The following PRKAR1B variants were observed in gnomAD, a reference collection of about 807,000 sequenced individuals.
PRKAR1B encodes the protein cAMP-dependent protein kinase type I-beta regulatory subunit.
Under a neutral mutation model 46.5 loss-of-function variants are expected in PRKAR1B, and 22 were observed. The observed-to-expected ratio is 0.47, with a 90% CI of 0.34 to 0.68. The LOEUF (loss-of-function observed/expected upper bound fraction) is 0.68. PRKAR1B is among the 30% of genes least tolerant of loss of function. The probability of loss-of-function intolerance (pLI) is 0.01; values close to 1 mark genes in which losing one functional copy is unlikely to be tolerated. For synonymous variants in PRKAR1B, 259 were observed against 217.7 expected (o/e 1.19, Z -1.67); for missense variants, 445 against 535.6 (o/e 0.83, Z 1.67).
Position 550,285 on chromosome 7 carries a change from G to T in PRKAR1B, c.*145C>A. The T allele has an allele frequency of 3.1e-6, 2 of 648,462 alleles. No homozygotes were observed. Among genetic ancestry groups the T allele is most frequent in the Non-Finnish European group, 5.4e-6 (2 of 370,038 alleles). The allele number at this position is 648,462 out of a possible 1,614,324, so 40.2% of individuals were successfully genotyped here. A position where few individuals can be genotyped will look rare whatever the true frequency, so the allele number is the denominator to read the frequency against. ...GGTGATCATTTATTCCAAAAAGTGAGTCCGGGGAAGGGGCAGTCCTCACGC... is the reference window on the plus strand; with the variant it reads ...GGTGATCATTTATTCCAAAAAGTGATTCCGGGGAAGGGGCAGTCCTCACGC... On this transcript the variant is annotated 3_prime_UTR_variant, in exon 11 of 11. Transcript: ENST00000537384.
intron 4 of PRKAR1B, among the ~76,000 whole-genome samples, chr7:674,994 C>T (rs1470196559): frequency 6.6e-6 from 1 of 152,190 alleles, no homozygotes; most frequent in Admixed American, 6.5e-5. Context: ...GTATCAAAAG[C>T]CTGTTAAAAA....
In PRKAR1B at chr7:727,213, G is replaced by A; in HGVS notation, c.-26C>T. 7.4e-7 allele frequency: 1 copy of A among 1,351,246 alleles called. No individual in the cohort carries two copies. Among genetic ancestry groups the A allele is most frequent in the Middle Eastern group, 2.8e-4 (1 of 3,620 alleles). The allele number at this position is 1,351,246 out of a possible 1,614,324, so 83.7% of individuals were successfully genotyped here. A position where few individuals can be genotyped will look rare whatever the true frequency, so the allele number is the denominator to read the frequency against. On this transcript the variant is annotated 5_prime_UTR_variant, in exon 1 of 11. Coordinates refer to ENST00000537384, the MANE Select transcript of PRKAR1B (RefSeq NM_001164760.2). ...CGGCGCCGCGCTCGCGCCCCACCTG[G>A]ACGACGCTCTGCGCGCGCTGCGCTG...
rs535669980 is a variant in PRKAR1B at position 691,616 on chromosome 7, C to T, written c.178-10890G>A. 14 of 1,303,684 alleles carry T rather than the reference C, an allele frequency of 1.1e-5. No individual in the cohort carries two copies. In the African/African-American group the frequency reaches 1.4e-4, roughly 13 times the overall value. 80.8% of individuals were successfully genotyped at this position (1,303,684 alleles called of 1,614,324 possible). On this transcript the variant is annotated intron_variant, in intron 2 of 10. Coordinates refer to ENST00000537384, the MANE Select transcript of PRKAR1B (RefSeq NM_001164760.2). Reference sequence around the variant, plus strand: ...AGCCCAAAGTGAGGTGGACGCCCTGCCGTGTGCTGAATGGCATGTGGCCTC... The same window carrying T: ...AGCCCAAAGTGAGGTGGACGCCCTGTCGTGTGCTGAATGGCATGTGGCCTC...
Position 658,240 on chromosome 7 carries a change from C to G in PRKAR1B, c.440+18989G>C, listed in dbSNP as rs184526775. Among the ~76,000 whole-genome samples, 68 of 152,112 alleles carry G rather than the reference C, an allele frequency of 4.5e-4. 1 individual carries two copies. Among genetic ancestry groups the G allele is most frequent in the African/African-American group, 1.6e-3 (68 of 41,490 alleles). On this transcript the variant is annotated intron_variant, in intron 4 of 10. Transcript: ENST00000537384. ...CTTGAGGACAGGAGTTCAAGACCAG[C>G]CTGGGCAACACAGCGAGACCCCCAT...
At position 644,389 on chromosome 7, in the gene PRKAR1B, G is replaced by C. The variant is rs1784530504; in HGVS notation, c.440+32840C>G. The stretch of plus-strand genomic sequence containing the variant: ...ACTGAGGCGCGCACATTCGGAACGG[G>C]GTTTTGCTCCTCCTTGGGTGTGCAG... On this transcript the variant is annotated intron_variant, in intron 4 of 10. Transcript: ENST00000537384. The surrounding 1 kb of genome is among the most constrained non-coding windows in gnomAD (Gnocchi z 4.9). Among the ~76,000 whole-genome samples the C allele has an allele frequency of 6.6e-6, 1 of 152,182 alleles. No individual in the cohort carries two copies. Among genetic ancestry groups the C allele is most frequent in the South Asian group, 2.1e-4 (1 of 4,834 alleles).
intron 9 of PRKAR1B, among the ~76,000 whole-genome samples, chr7:570,877 G>A (rs942230040): frequency 1.3e-5 from 2 of 151,224 alleles, no homozygotes; most frequent in African/African-American, 4.9e-5. Context: ...TGCAGCCCAA[G>A]CGACACCACT....
intron 4 of PRKAR1B, among the ~76,000 whole-genome samples, chr7:623,043 C>G (rs1446197461): frequency 6.6e-6 from 1 of 152,206 alleles, no homozygotes; most frequent in African/African-American, 2.4e-5. Flanking sequence ...ACGGTCCTAT[C>G]TCTTCTGTCC....
intron 2 of PRKAR1B, among the ~76,000 whole-genome samples, chr7:706,837 G>A (rs994884706): frequency 6.6e-6 from 1 of 152,164 alleles, no homozygotes; most frequent in African/African-American, 2.4e-5. Context: ...GGCCATCCCT[G>A]CTGGCCTGTG....
chr7:635,966 A>G lies in PRKAR1B; in HGVS notation c.441-28514T>C, dbSNP rs556475929. On this transcript the variant is annotated intron_variant, in intron 4 of 10. Transcript: ENST00000537384. ...CACATCCTCCACCGGCCGCGCCCTC[A>G]CGTCCTCCACCGGCCGCGCCCTCAC... 3.1e-4 allele frequency among the ~76,000 whole-genome samples: 39 copies of G among 125,592 alleles called. 1 individual carries two copies. The highest frequency in any genetic ancestry group is 8.7e-4 in the African/African-American group (30 of 34,514). The allele number at this position is 125,592 out of a possible 152,430, so 82.4% of individuals were successfully genotyped here.
rs1167742655 is a variant in PRKAR1B at position 727,215 on chromosome 7, C to T, written c.-28G>A. 12 of 1,350,708 alleles carry T rather than the reference C, an allele frequency of 8.9e-6. No homozygotes were observed. In the Admixed American group the frequency reaches 9.6e-5, roughly 11 times the overall value. The allele number at this position is 1,350,708 out of a possible 1,614,324, so 83.7% of individuals were successfully genotyped here. On this transcript the variant is annotated 5_prime_UTR_variant, in exon 1 of 11. Transcript: ENST00000537384. ...GCGCCGCGCTCGCGCCCCACCTGGA[C>T]GACGCTCTGCGCGCGCTGCGCTGCT...
intron 9 of PRKAR1B, among the ~76,000 whole-genome samples, chr7:567,388 CCAT>C (rs1427536941): frequency 2.3e-4 from 33 of 141,740 alleles, no homozygotes; most frequent in African/African-American, 4.8e-4. Flanking sequence ...ACCATCACCT[CCAT>C]CATCATCACC....
At position 684,473 on chromosome 7, in the gene PRKAR1B, C is replaced by T. The variant is rs146414997; in HGVS notation, c.178-3747G>A. Among the ~76,000 whole-genome samples, 1,003 of 152,314 alleles carry T rather than the reference C, an allele frequency of 6.6e-3. 11 individuals are homozygous for T. Among genetic ancestry groups the T allele is most frequent in the African/African-American group, 0.023 (959 of 41,556 alleles). On this transcript the variant is annotated intron_variant, in intron 2 of 10. Coordinates refer to ENST00000537384, the MANE Select transcript of PRKAR1B (RefSeq NM_001164760.2). Reference sequence around the variant, plus strand: ...ATGACCAGAATGGCAGGAACGCTATCTGAGATTTCTGGAAAACAGACAATG... The same window carrying T: ...ATGACCAGAATGGCAGGAACGCTATTTGAGATTTCTGGAAAACAGACAATG...
At chr7:578,469 T>C (rs1198804903) in intron 9 of PRKAR1B, among the ~76,000 whole-genome samples, 1 of 152,206 alleles carries the variant, frequency 6.6e-6, no homozygotes, top group Non-Finnish European at 1.5e-5. Flanking sequence ...TTTGCCATCA[T>C]CGTACATTTG....
At chr7:669,883 T>TTTTTTTTTTTTTTTTA in intron 4 of PRKAR1B, among the ~76,000 whole-genome samples, 1 of 144,798 alleles carries the variant, frequency 6.9e-6, no homozygotes, top group Middle Eastern at 3.7e-3. Flanking sequence ...TTTTTTTTTT[T>TTTTTTTTTTTTTTTTA]GAGACGGAGT....
At chr7:606,791 T>TGC (rs1325341249) in intron 5 of PRKAR1B, among the ~76,000 whole-genome samples, 1 of 151,858 alleles carries the variant, frequency 6.6e-6, no homozygotes, top group Non-Finnish European at 1.5e-5. Context: ...TGTGTGTGTG[T>TGC]GTGTATAATT....
At chr7:579,437 A>C in intron 8 of PRKAR1B, 60 bp from the exon 9 acceptor site, 3 of 1,600,312 alleles carry the variant, frequency 1.9e-6, no homozygotes, top group Non-Finnish European at 2.5e-6. Flanking sequence ...GCCACAGTCC[A>C]AGACAAGGGC....
At chr7:692,457 AGAG>A (rs1293101081) in intron 2 of PRKAR1B, among the ~76,000 whole-genome samples, 1 of 152,048 alleles carries the variant, frequency 6.6e-6, no homozygotes, top group African/African-American at 2.4e-5. Flanking sequence ...GGAGAAGAGA[AGAG>A]GAGAAGAGAA....
chr7:635,406 C>G (rs1384172873), intron 4 of PRKAR1B, among the ~76,000 whole-genome samples: 1 of 152,230 alleles, frequency 6.6e-6, no homozygotes, highest in Admixed American at 6.5e-5. Context: ...AGCAGCAGGC[C>G]TGGGCCACAG....
chr7:652,612 C>T (rs1381568705), intron 4 of PRKAR1B, among the ~76,000 whole-genome samples: 1 of 152,248 alleles, frequency 6.6e-6, no homozygotes, highest in Non-Finnish European at 1.5e-5. Flanking sequence ...ACACAGGAGA[C>T]TATTTTGTAA....
Sources: allele counts gnomAD v4.1 joint callset (sites outside exome capture counted in the v4.1 genomes callset), GRCh38; gene constraint gnomAD v4.1.1; non-coding constraint Gnocchi (gnomAD v3.1); transcripts MANE v1.5; gene names NCBI Gene and HGNC (gene_info 2026-07-23, HGNC 2026-07-21).